Variants in GPLD1 observed in about 807,000 individuals in gnomAD.
The protein encoded by GPLD1 is phosphatidylinositol-glycan-specific phospholipase D.
A neutral mutation model predicts 112.6 loss-of-function variants in GPLD1; 84 were observed. The observed-to-expected ratio is 0.75, with a 90% CI of 0.63 to 0.89. The LOEUF (loss-of-function observed/expected upper bound fraction) is 0.89, where lower values mean the gene tolerates loss of function less well. Among genes scored for constraint, GPLD1 ranks in the 40% least tolerant of loss-of-function variants. The probability of loss-of-function intolerance (pLI) is 0.00; values close to 1 mark genes in which losing one functional copy is unlikely to be tolerated. For missense variants in GPLD1, 1,044 were observed against 1,051.5 expected (o/e 0.99, Z 0.10); for synonymous variants, 386 against 403.8 (o/e 0.96, Z 0.53).
intron 14 of GPLD1, among the ~76,000 whole-genome samples, chr6:24,453,374 G>A (rs1189375095): frequency 2.0e-5 from 3 of 152,276 alleles, no homozygotes; most frequent in Non-Finnish European, 1.5e-5. Flanking sequence ...AGTGGCTCAC[G>A]CCTGTAATCC....
At chr6:24,451,566 G>C (rs1763088399) in intron 14 of GPLD1, among the ~76,000 whole-genome samples, 2 of 151,998 alleles carry the variant, frequency 1.3e-5, no homozygotes, top group South Asian at 2.1e-4. Context: ...TTGATCTCTT[G>C]ACCTCAGGAT....
At chr6:24,452,147 C>T (rs1475516677) in intron 14 of GPLD1, among the ~76,000 whole-genome samples, 4 of 152,204 alleles carry the variant, frequency 2.6e-5, no homozygotes, top group African/African-American at 9.7e-5. Flanking sequence ...GGGCATGGAG[C>T]CACTTCCTTT....
At position 24,489,115 on chromosome 6, in the gene GPLD1, C is replaced by T. The variant is rs143419076; in HGVS notation, c.97+300G>A. Among the ~76,000 whole-genome samples the T allele has an allele frequency of 5.9e-3, 902 of 152,330 alleles. 1 individual carries two copies. Among genetic ancestry groups the T allele is most frequent in the Non-Finnish European group, 8.1e-3 (550 of 68,030 alleles). ...TCCCATTCTGTCAGTTCTGCTGCCA[C>T]GTTGCAACCTCTCGTTCACTGAGCC... On this transcript the variant is annotated intron_variant, in intron 1 of 24. Transcript: ENST00000230036.
At chr6:24,457,727 G>A (rs755215330) in intron 12 of GPLD1, among the ~76,000 whole-genome samples, 2 of 151,954 alleles carry the variant, frequency 1.3e-5, no homozygotes, top group Non-Finnish European at 2.9e-5. Flanking sequence ...CTAAAAATTA[G>A]CTGGGAGTGG....
chr6:24,475,290 A>G (rs577329920), intron 4 of GPLD1, 59 bp from the exon 5 acceptor site: 1 of 372,132 alleles, frequency 2.7e-6, no homozygotes, highest in Admixed American at 3.6e-5. Flanking sequence ...TAACAATCCT[A>G]TTAAAAGTTT....
intron 7 of GPLD1, among the ~76,000 whole-genome samples, chr6:24,471,409 C>A (rs531289054): frequency 6.6e-6 from 1 of 151,976 alleles, no homozygotes; most frequent in Non-Finnish European, 1.5e-5. Flanking sequence ...TTTGCAGTGA[C>A]CCAAGATCAC....
At chr6:24,463,340 A>G (rs1412701138) in intron 10 of GPLD1, among the ~76,000 whole-genome samples, 1 of 152,254 alleles carries the variant, frequency 6.6e-6, no homozygotes, top group African/African-American at 2.4e-5. Flanking sequence ...AGCAGGTATT[A>G]ATATAAGAAG....
chr6:24,465,513 C>T (rs1763576156), intron 10 of GPLD1, among the ~76,000 whole-genome samples: 1 of 151,944 alleles, frequency 6.6e-6, no homozygotes, highest in Admixed American at 6.6e-5. Context: ...GCCCTCCAGC[C>T]TGGGTGACAG....
intron 7 of GPLD1, among the ~76,000 whole-genome samples, chr6:24,468,555 A>ATTT (rs141748600): frequency 1.4e-5 from 2 of 142,652 alleles, no homozygotes; most frequent in South Asian, 2.2e-4. Context: ...TTATTTTTTT[A>ATTT]TTTTTATTTT....
At chr6:24,476,045 A>G in intron 4 of GPLD1, 136 bp downstream of exon 4, 1 of 574,908 alleles carries the variant, frequency 1.7e-6, no homozygotes, top group Non-Finnish European at 3.1e-6. Context: ...ACTATGTCCA[A>G]GCAATGTGCA....
chr6:24,468,699 A>G (rs2744563), intron 7 of GPLD1, among the ~76,000 whole-genome samples: 151,494 of 152,274 alleles, frequency 0.99, 75,361 homozygotes, highest in Middle Eastern at 1. Context: ...GACTACAGGC[A>G]TGCGCCACCA....
chr6:24,494,845 GCTGCTCTGTGGCT>G lies in GPLD1; in HGVS notation n.239+109_239+121del, dbSNP rs1187742066. 5.8e-6 allele frequency: 5 copies of G among 858,996 alleles called. No homozygotes were observed. The African/African-American group carries it at 8.8e-5, about 15-fold the overall frequency. 53.2% of individuals were successfully genotyped at this position (858,996 alleles called of 1,614,324 possible). A position where few individuals can be genotyped will look rare whatever the true frequency, so the allele number is the denominator to read the frequency against. ...AGCGAGAAAGACGCGGAGAGAGGGC[GCTGCTCTGTGGCT>G]CTGCAACCTTCCGCCAGCTCCCACG... On this transcript the variant is annotated intron_variant and non_coding_transcript_variant, in intron 1 of 10. Coordinates refer to the GPLD1 transcript ENST00000474784.
Position 24,450,317 on chromosome 6 carries a change from A to G in GPLD1, c.1336-418T>C, listed in dbSNP as rs141472575. Among the ~76,000 whole-genome samples the G allele has an allele frequency of 6.8e-3, 1,040 of 152,136 alleles. 15 individuals carry two copies. Among genetic ancestry groups the G allele is most frequent in the African/African-American group, 0.023 (937 of 41,504 alleles). ...GGAGTTCAAAACCAGCCTGGCCAAC[A>G]TAGTGAAACCCCATCTGTACTAAAA... On this transcript the variant is annotated intron_variant, in intron 14 of 24. Coordinates refer to ENST00000230036, the MANE Select transcript of GPLD1 (RefSeq NM_001503.4).
upstream of GPLD1, among the ~76,000 whole-genome samples, chr6:24,493,947 CTATTTT>C (rs1162133928): frequency 2.0e-5 from 3 of 152,224 alleles, no homozygotes; most frequent in South Asian, 2.1e-4. Flanking sequence ...CATACGCCTG[CTATTTT>C]TATTTTTATC....
At chr6:24,431,536 T>A (rs12192098) in intron 24 of GPLD1, among the ~76,000 whole-genome samples, 6,929 of 92,772 alleles carry the variant, frequency 0.075, 208 homozygotes, top group Non-Finnish European at 0.096. Context: ...AAGGTTAAAC[T>A]TTTTTTTTTT....
exon 1 of GPLD1, chr6:24,495,066 CT>C: frequency 7.5e-7 from 1 of 1,337,578 alleles, no homozygotes; most frequent in Non-Finnish European, 9.6e-7. Flanking sequence ...AGGCTGCCGC[CT>C]CCGCCCCCGC....
At chr6:24,430,003 CTTAT>C (rs2127307744) in intron 24 of GPLD1, among the ~76,000 whole-genome samples, 1 of 151,082 alleles carries the variant, frequency 6.6e-6, no homozygotes, top group South Asian at 2.1e-4. Context: ...ATGACAGTTT[CTTAT>C]TTAATTTTGA....
rs138655717 is a variant in GPLD1, at chr6:24,429,068, G to C, written c.2487C>G (p.Ser829=). Residue 829 remains serine (S), a synonymous_variant, in exon 25 of 25, where the codon TCC becomes TCG. Transcript: ENST00000230036. ...CAAGGCTATAGACGTGAAGTGCCCC[G>C]GAGAGTCGGGCTCCCAAAGAACTCC... is the stretch of plus-strand genomic sequence containing the variant. ...AGRSSLGARL[S]GALHVYSLGS... is the part of the protein sequence containing the mutation. 2.5e-6 allele frequency: 4 copies of C among 1,613,492 alleles called. No homozygotes were observed. The East Asian group carries it at 6.7e-5, about 27-fold the overall frequency.
In GPLD1 at chr6:24,427,845, C is replaced by CA. The variant is rs72112585; in HGVS notation, c.*1186dup. Among the ~76,000 whole-genome samples the CA allele has an allele frequency of 0.31, 26,414 of 86,116 alleles. 5,275 individuals carry two copies. The highest frequency in any genetic ancestry group is 0.36 in the Non-Finnish European group (16,750 of 47,118). The allele number at this position is 86,116 out of a possible 152,430, so 56.5% of individuals were successfully genotyped here. A position where few individuals can be genotyped will look rare whatever the true frequency, so the allele number is the denominator to read the frequency against. On this transcript the variant is annotated 3_prime_UTR_variant, in exon 25 of 25. Coordinates refer to ENST00000230036, the MANE Select transcript of GPLD1 (RefSeq NM_001503.4). ...TGGGCAACAGAGCAAGACTCCGTCT[C>CA]AAAAAAAAAAAAAAAAAAAAAGGAC...
Sources: allele counts gnomAD v4.1 joint callset (sites outside exome capture counted in the v4.1 genomes callset), GRCh38; gene constraint gnomAD v4.1.1; transcripts MANE v1.5; gene names NCBI Gene and HGNC (gene_info 2026-07-23, HGNC 2026-07-21).